CDYL: variants seen among roughly 807,000 people sequenced by gnomAD.
CDYL encodes chromodomain Y like.
A neutral mutation model predicts 47.3 loss-of-function variants in CDYL; 8 were observed. The observed-to-expected ratio is 0.17, with a 90% CI of 0.10 to 0.31. The LOEUF is 0.31. Ranked by LOEUF, CDYL falls within the 10% of genes least tolerant of loss-of-function variation. The pLI is 1.00. For synonymous variants in CDYL, 266 were observed against 265.0 expected (o/e 1.00, Z -0.04); for missense variants, 471 against 701.4 (o/e 0.67, Z 3.71).
intron 3 of CDYL, among the ~76,000 whole-genome samples, chr6:4,771,090 G>C (rs939379931): frequency 1.3e-5 from 2 of 152,192 alleles, no homozygotes; most frequent in South Asian, 4.1e-4. Context: ...AGTTCCAGTA[G>C]GTGAGAGGGT....
At chr6:4,873,788 G>C (rs1761538854) in intron 1 of CDYL, among the ~76,000 whole-genome samples, 1 of 152,140 alleles carries the variant, frequency 6.6e-6, no homozygotes, top group African/African-American at 2.4e-5. Flanking sequence ...GTTTTATTGT[G>C]AATAGGCTCC....
intron 2 of CDYL, among the ~76,000 whole-genome samples, chr6:4,920,694 C>T (rs1028526024): frequency 6.6e-6 from 1 of 152,194 alleles, no homozygotes; most frequent in African/African-American, 2.4e-5. Flanking sequence ...TCTCGGCTCA[C>T]TGCAACCTCT....
chr6:4,725,241 A>G (rs1024783698), intron 2 of CDYL, among the ~76,000 whole-genome samples: 3 of 152,252 alleles, frequency 2.0e-5, no homozygotes, highest in African/African-American at 7.2e-5. Context: ...AGTCCCCACC[A>G]GAATCAGGAG....
intron 1 of CDYL, among the ~76,000 whole-genome samples, chr6:4,857,826 T>C (rs1221759206): frequency 6.6e-6 from 1 of 152,260 alleles, no homozygotes; most frequent in Non-Finnish European, 1.5e-5. Flanking sequence ...TATCTGATGA[T>C]TGCTGTGTTC....
At chr6:4,780,284 C>T (rs375552788) in intron 1 of CDYL, among the ~76,000 whole-genome samples, 1 of 149,564 alleles carries the variant, frequency 6.7e-6, no homozygotes, top group Non-Finnish European at 1.5e-5. Context: ...GGCTGATGTG[C>T]AGTGGCTTCA....
chr6:4,735,094 C>T (rs1028450072), intron 3 of CDYL, among the ~76,000 whole-genome samples: 5 of 152,034 alleles, frequency 3.3e-5, no homozygotes, highest in Non-Finnish European at 5.9e-5. Context: ...CAAGACCAGC[C>T]TGACCAACAT....
At chr6:4,739,117 C>T (rs768140706) in intron 3 of CDYL, among the ~76,000 whole-genome samples, 62 of 151,850 alleles carry the variant, frequency 4.1e-4, no homozygotes, top group African/African-American at 1.4e-3. Flanking sequence ...GCCAAGATCA[C>T]GCCATTGCAC....
At chr6:4,729,458 G>A (rs953720398) in intron 2 of CDYL, among the ~76,000 whole-genome samples, 2 of 152,144 alleles carry the variant, frequency 1.3e-5, no homozygotes, top group African/African-American at 4.8e-5. Context: ...CAGACCAACT[G>A]GGATTACTCC....
At chr6:4,759,793 C>T (rs938810588) in intron 3 of CDYL, among the ~76,000 whole-genome samples, 7 of 143,820 alleles carry the variant, frequency 4.9e-5, no homozygotes, top group African/African-American at 1.0e-4. Flanking sequence ...GCAGGAGAAT[C>T]GCTTGAACCC....
chr6:4,788,981 A>G (rs1009304448), intron 1 of CDYL, among the ~76,000 whole-genome samples: 1 of 152,044 alleles, frequency 6.6e-6, no homozygotes, highest in African/African-American at 2.4e-5. Flanking sequence ...TTGTAGCTAC[A>G]TGGCGGGCCA....
At chr6:4,917,863 G>T (rs1757601123) in intron 2 of CDYL, among the ~76,000 whole-genome samples, 1 of 152,176 alleles carries the variant, frequency 6.6e-6, no homozygotes, top group Non-Finnish European at 1.5e-5. Flanking sequence ...TGCCCTCTGT[G>T]AGGTGAACTA....
intron 3 of CDYL, among the ~76,000 whole-genome samples, chr6:4,769,114 C>T (rs981509541): frequency 3.3e-5 from 5 of 152,138 alleles, no homozygotes; most frequent in Non-Finnish European, 7.3e-5. Flanking sequence ...TGCGGCGTCA[C>T]AGATGGGATC....
At chr6:4,752,511 A>C (rs1758011525) in intron 3 of CDYL, among the ~76,000 whole-genome samples, 1 of 152,200 alleles carries the variant, frequency 6.6e-6, no homozygotes. Flanking sequence ...CGAAATCAGG[A>C]TAATATTGAC....
chr6:4,893,654 T>C (rs1004144969), intron 2 of CDYL, among the ~76,000 whole-genome samples: 3 of 151,430 alleles, frequency 2.0e-5, no homozygotes, highest in Admixed American at 6.6e-5. Context: ...GATGGTGCCA[T>C]TGCACTCCAG....
chr6:4,729,156 G>C (rs553254668), intron 2 of CDYL, among the ~76,000 whole-genome samples: 13 of 152,216 alleles, frequency 8.5e-5, no homozygotes, highest in Non-Finnish European at 7.4e-5. Flanking sequence ...AACAGAGTGG[G>C]ATAAAATTCC....
rs71540836 is a variant in CDYL, at chr6:4,929,493, TAC to T, written c.692-5990_692-5989del. Among the ~76,000 whole-genome samples, 743 of 144,024 alleles carry T rather than the reference TAC, an allele frequency of 5.2e-3. 2 individuals are homozygous for T. Among genetic ancestry groups the T allele is most frequent in the African/African-American group, 0.016 (630 of 38,778 alleles). The allele number at this position is 144,024 out of a possible 152,430, so 94.5% of individuals were successfully genotyped here. On this transcript the variant is annotated intron_variant, in intron 2 of 6. Transcript: ENST00000397588. Reference sequence around the variant, plus strand: ...CTATTATTTCTGCAAATGTTTTACTTACACACACACACACACACACACACACA... The same window carrying T: ...CTATTATTTCTGCAAATGTTTTACTTACACACACACACACACACACACACA...
chr6:4,782,107 G>T (rs77760101), intron 1 of CDYL, among the ~76,000 whole-genome samples: 1 of 151,924 alleles, frequency 6.6e-6, no homozygotes, highest in Non-Finnish European at 1.5e-5. Flanking sequence ...AGGAGCTCTC[G>T]GTGGACCAGA....
chr6:4,940,770 G>C (rs998336502), intron 4 of CDYL, among the ~76,000 whole-genome samples: 2 of 152,226 alleles, frequency 1.3e-5, no homozygotes, highest in African/African-American at 2.4e-5. Flanking sequence ...GAGACCGGGG[G>C]CCCTGCCCAA....
chr6:4,730,631 G>A (rs548437167), intron 2 of CDYL, among the ~76,000 whole-genome samples: 4 of 131,042 alleles, frequency 3.1e-5, no homozygotes, highest in East Asian at 2.4e-4. Flanking sequence ...CCGAGATTGC[G>A]CCATTGTACT....
Sources: gnomAD v4.1 joint callset for allele counts (sites outside exome capture counted in the v4.1 genomes callset) on GRCh38, gnomAD v4.1.1 for gene constraint, MANE v1.5 for transcripts, NCBI Gene and HGNC (gene_info 2026-07-23, HGNC 2026-07-21) for gene names.